Variants in EML1 observed in about 807,000 individuals in gnomAD.
EML1 encodes EMAP like 1, also known as echinoderm microtubule-associated protein-like 1.
EML1 carries 27 observed loss-of-function variants against 110.4 expected under a neutral mutation model. That is an observed-to-expected ratio of 0.24 (90% CI 0.18 to 0.34). EML1 has a LOEUF of 0.34. Ranked by LOEUF, EML1 falls within the 10% of genes least tolerant of loss-of-function variation. The probability of loss-of-function intolerance (pLI) is 1.00; values close to 1 mark genes in which losing one functional copy is unlikely to be tolerated. For missense variants in EML1, 741 were observed against 1,030.9 expected, an observed-to-expected ratio of 0.72 and a Z score of 3.85; for synonymous variants, 344 against 385.8, an observed-to-expected ratio of 0.89 and a Z score of 1.27.
intron 4 of EML1, among the ~76,000 whole-genome samples, chr14:99,890,816 T>G (rs2059574130): frequency 6.6e-6 from 1 of 152,176 alleles, no homozygotes; most frequent in Non-Finnish European, 1.5e-5. Context: ...TGTCAGGAAT[T>G]TGCTAGTTTT....
intron 1 of EML1, among the ~76,000 whole-genome samples, chr14:99,788,267 C>T (rs1349783046): frequency 6.6e-6 from 1 of 152,052 alleles, no homozygotes; most frequent in Non-Finnish European, 1.5e-5. Context: ...ATTATATGTC[C>T]AAATGTCTCT....
chr14:99,908,231 C>G lies in EML1; in HGVS notation c.1104+498C>G, dbSNP rs142952188. On this transcript the variant is annotated intron_variant, in intron 10 of 21. Transcript: ENST00000262233. ...GGGAGCCCCGAGCTAAACCCCAAAT[C>G]CTTCCCAACAGGATTCCTCCTGCGA... Among the ~76,000 whole-genome samples the G allele has an allele frequency of 5.8e-3, 891 of 152,348 alleles. 2 individuals carry two copies. Among genetic ancestry groups the G allele is most frequent in the African/African-American group, 0.02 (836 of 41,588 alleles).
chr14:99,815,104 C>T (rs1017172211), intron 1 of EML1, among the ~76,000 whole-genome samples: 7 of 150,260 alleles, frequency 4.7e-5, no homozygotes, highest in Non-Finnish European at 8.8e-5. Context: ...GCTTGAGTTT[C>T]CCCTTATGCT....
intron 20 of EML1, among the ~76,000 whole-genome samples, chr14:99,938,753 C>T (rs773016652): frequency 1.3e-4 from 20 of 152,246 alleles, no homozygotes; most frequent in Non-Finnish European, 2.8e-4. Flanking sequence ...AACATGCGCA[C>T]ACCCAGGGTT....
chr14:99,773,695 T>A (rs11845654), exon 1 of EML1: 8,961 of 152,232 alleles, frequency 0.059, 360 homozygotes, highest in African/African-American at 0.11. Context: ...ATGCGCAGGA[T>A]CTTGTGGCAG....
intron 4 of EML1, among the ~76,000 whole-genome samples, chr14:99,879,014 G>A (rs2059342138): frequency 2.6e-5 from 4 of 152,150 alleles, no homozygotes; most frequent in Admixed American, 2.6e-4. Context: ...TTTGTCAGCA[G>A]TATTTTCTGA....
At chr14:99,892,734 A>G (rs2059608327) in intron 5 of EML1, among the ~76,000 whole-genome samples, 1 of 152,226 alleles carries the variant, frequency 6.6e-6, no homozygotes, top group Admixed American at 6.5e-5. Flanking sequence ...TTTCTTAATC[A>G]TCACATACCT....
chr14:99,923,623 C>T (rs1379050502), intron 17 of EML1, among the ~76,000 whole-genome samples: 5 of 140,126 alleles, frequency 3.6e-5, no homozygotes, highest in African/African-American at 9.9e-5. Flanking sequence ...GGTTTATTTC[C>T]GGATACTCAG....
At chr14:99,844,723 C>G (rs984854365) in intron 1 of EML1, among the ~76,000 whole-genome samples, 1 of 152,172 alleles carries the variant, frequency 6.6e-6, no homozygotes, top group Non-Finnish European at 1.5e-5. Flanking sequence ...CTGATCCATT[C>G]TCCTTCATTA....
intron 1 of EML1, among the ~76,000 whole-genome samples, chr14:99,777,059 T>C (rs1350760256): frequency 3.3e-5 from 5 of 152,192 alleles, no homozygotes; most frequent in Non-Finnish European, 5.9e-5. Flanking sequence ...TGAGCAGGAA[T>C]TGAGATTTCC....
At chr14:99,865,190 T>G (rs2059074770) in intron 2 of EML1, among the ~76,000 whole-genome samples, 10 of 152,194 alleles carry the variant, frequency 6.6e-5, no homozygotes, top group Admixed American at 5.9e-4. Flanking sequence ...TAGTCCCATC[T>G]AGGGTTGATG....
At chr14:99,935,949 G>C in intron 17 of EML1, 80 bp from the exon 18 acceptor site, 1 of 1,333,708 alleles carries the variant, frequency 7.5e-7, no homozygotes, top group Non-Finnish European at 1.1e-6. Flanking sequence ...TAAATCTGTG[G>C]TGGCAGCTAC....
At chr14:99,877,078 G>C (rs1476193982) in intron 3 of EML1, among the ~76,000 whole-genome samples, 1 of 152,162 alleles carries the variant, frequency 6.6e-6, no homozygotes, top group Admixed American at 6.5e-5. Context: ...ATAAACAGCA[G>C]AAATATATGT....
At chr14:99,783,537 TG>T (rs1371767409) in intron 1 of EML1, among the ~76,000 whole-genome samples, 1 of 148,624 alleles carries the variant, frequency 6.7e-6, no homozygotes, top group Non-Finnish European at 1.5e-5. Flanking sequence ...CAGGCTGGAG[TG>T]CAGTGGTGTG....
At chr14:99,904,562 C>T (rs2059813185) in intron 9 of EML1, among the ~76,000 whole-genome samples, 1 of 150,804 alleles carries the variant, frequency 6.6e-6, no homozygotes, top group Non-Finnish European at 1.5e-5. Context: ...ATTATTATTA[C>T]ACCAATTAAT....
intron 1 of EML1, among the ~76,000 whole-genome samples, chr14:99,822,894 A>T (rs548959172): frequency 6.6e-6 from 1 of 152,266 alleles, no homozygotes; most frequent in South Asian, 2.1e-4. Context: ...GCGTCTCTCC[A>T]GTCTTTTCCT....
At chr14:99,779,657 AG>A (rs2057518965) in intron 1 of EML1, among the ~76,000 whole-genome samples, 1 of 152,246 alleles carries the variant, frequency 6.6e-6, no homozygotes, top group South Asian at 2.1e-4. Flanking sequence ...TCCCTAAAAA[AG>A]GTCCTTCCAC....
rs749952059 is a variant in EML1, at chr14:99,910,327, T to C, written c.1325T>C (p.Leu442Ser). The change falls in exon 12 of 22, where the codon TTA becomes TCA. Residue 442 changes from leucine (L) to serine (S), a missense_variant. Coordinates refer to ENST00000262233, the MANE Select transcript of EML1 (RefSeq NM_004434.3). The part of the protein sequence containing the change: ...TITGDSSGNI[L>S]VWGKGTNRIS... Reference sequence around the variant, plus strand: ...ACTGGAGATTCAAGTGGCAACATCTTAGTATGGGGAAAAGGTAATAAGTGA... The same window carrying C: ...ACTGGAGATTCAAGTGGCAACATCTCAGTATGGGGAAAAGGTAATAAGTGA... 6.2e-7 allele frequency: 1 copy of C among 1,612,850 alleles called. No homozygotes were observed. The highest frequency in any genetic ancestry group is 2.2e-5 in the East Asian group (1 of 44,776).
chr14:99,890,106 A>G (rs2059561100), intron 4 of EML1, among the ~76,000 whole-genome samples: 2 of 152,102 alleles, frequency 1.3e-5, no homozygotes, highest in Admixed American at 1.3e-4. Context: ...AATATTAGGA[A>G]TATATCTGCT....
Sources: allele counts gnomAD v4.1 joint callset (sites outside exome capture counted in the v4.1 genomes callset), GRCh38; gene constraint gnomAD v4.1.1; transcripts MANE v1.5; gene names NCBI Gene and HGNC (gene_info 2026-07-23, HGNC 2026-07-21).